SH3GL3: variants seen among roughly 807,000 people sequenced by gnomAD.
The protein encoded by SH3GL3 is SH3 domain containing GRB2 like 3, endophilin A3.
A neutral mutation model predicts 47.7 loss-of-function variants in SH3GL3; 33 were observed. The observed-to-expected ratio is 0.69, with a 90% CI of 0.52 to 0.92. The LOEUF is 0.92. Among genes scored for constraint, SH3GL3 ranks in the 40% least tolerant of loss-of-function variants. The pLI is 0.00. For synonymous variants in SH3GL3, 155 were observed against 148.8 expected, an observed-to-expected ratio of 1.04 and a Z score of -0.30; for missense variants, 363 against 417.8, an observed-to-expected ratio of 0.87 and a Z score of 1.14.
intron 3 of SH3GL3, among the ~76,000 whole-genome samples, chr15:83,567,232 C>G (rs973449711): frequency 1.3e-5 from 2 of 152,226 alleles, no homozygotes; most frequent in East Asian, 3.9e-4. Context: ...CACAGTATTC[C>G]CTCTTCTACA....
chr15:83,559,347 GA>G (rs2045133292), intron 2 of SH3GL3, 26 bp downstream of exon 2: 1 of 1,225,592 alleles, frequency 8.2e-7, no homozygotes, highest in Admixed American at 1.7e-5. Flanking sequence ...TATGTAAATT[GA>G]TTAGAAACTG....
At chr15:83,621,003 T>C (rs146772936), downstream of SH3GL3, among the ~76,000 whole-genome samples, 576 of 152,338 alleles carry the variant, frequency 3.8e-3, 2 homozygotes, top group African/African-American at 0.013. Flanking sequence ...TTAAACCTCA[T>C]GAACCCACCC....
chr15:83,557,568 A>G (rs1271522284), intron 1 of SH3GL3, among the ~76,000 whole-genome samples: 2 of 152,186 alleles, frequency 1.3e-5, no homozygotes, highest in Non-Finnish European at 2.9e-5. Context: ...GGCTGATCTC[A>G]GCTGGGGTCT....
chr15:83,516,978 A>G (rs1183202043), intron 1 of SH3GL3, among the ~76,000 whole-genome samples: 5 of 152,020 alleles, frequency 3.3e-5, no homozygotes. Flanking sequence ...ATAGAATACC[A>G]TTGTATAACT....
intron 1 of SH3GL3, among the ~76,000 whole-genome samples, chr15:83,482,256 G>A (rs2041391188): frequency 1.3e-5 from 2 of 151,986 alleles, no homozygotes; most frequent in Admixed American, 1.3e-4. Flanking sequence ...ATCTTGTAAT[G>A]GTTTATTTAG....
chr15:83,540,340 C>T (rs577703214), intron 1 of SH3GL3, among the ~76,000 whole-genome samples: 5 of 152,050 alleles, frequency 3.3e-5, no homozygotes, highest in East Asian at 1.9e-4. Context: ...TGATTGTTTT[C>T]GTCTGCTTGT....
chr15:83,578,512 A>G (rs1181977718), intron 6 of SH3GL3, among the ~76,000 whole-genome samples: 1 of 152,200 alleles, frequency 6.6e-6, no homozygotes, highest in Non-Finnish European at 1.5e-5. Flanking sequence ...TACCATGGTG[A>G]TGTATGGAGG....
chr15:83,596,616 G>A (rs910826047), intron 8 of SH3GL3, among the ~76,000 whole-genome samples: 5 of 152,030 alleles, frequency 3.3e-5, no homozygotes, highest in Admixed American at 6.6e-5. Flanking sequence ...TTTAAAACAC[G>A]GAAAGTGTGT....
At chr15:83,580,698 C>G in intron 6 of SH3GL3, among the ~76,000 whole-genome samples, 1 of 152,238 alleles carries the variant, frequency 6.6e-6, no homozygotes, top group South Asian at 2.1e-4. Flanking sequence ...CTTTCCCCTC[C>G]TTGCACCTTC....
intron 1 of SH3GL3, among the ~76,000 whole-genome samples, chr15:83,497,079 G>A (rs1213401576): frequency 5.3e-5 from 8 of 152,128 alleles, no homozygotes; most frequent in Non-Finnish European, 1.2e-4. Context: ...TACAGGGTCT[G>A]CCAGGAACTG....
chr15:83,619,354 T>C (rs56173151), downstream of SH3GL3, among the ~76,000 whole-genome samples: 9,082 of 152,058 alleles, frequency 0.06, 887 homozygotes, highest in African/African-American at 0.21. Context: ...TCCCAGTGTA[T>C]AGAAAAGTTG....
chr15:83,598,281 G>A lies in SH3GL3; in HGVS notation c.838+9510G>A, dbSNP rs574077479. ...TGGCTGCTCTTTTCTCAGAAAGCCA[G>A]CCAGCTTTCAGGATCCACTTACACT... On this transcript the variant is annotated intron_variant, in intron 8 of 8. Coordinates refer to ENST00000427482, the MANE Select transcript of SH3GL3 (RefSeq NM_003027.5). 3.9e-5 allele frequency among the ~76,000 whole-genome samples: 6 copies of A among 152,240 alleles called. No homozygotes were observed. In the Middle Eastern group the frequency reaches 0.014, roughly 345 times the overall value.
At chr15:83,450,364 C>T (rs2039679763) in intron 1 of SH3GL3, among the ~76,000 whole-genome samples, 1 of 152,158 alleles carries the variant, frequency 6.6e-6, no homozygotes, top group Non-Finnish European at 1.5e-5. Flanking sequence ...GTAAGTTAAG[C>T]ATTTCAGAGT....
chr15:83,539,173 C>T (rs1472786550), intron 1 of SH3GL3, among the ~76,000 whole-genome samples: 1 of 152,178 alleles, frequency 6.6e-6, no homozygotes, highest in African/African-American at 2.4e-5. Context: ...TTAGTCCTTA[C>T]AGGCTGCCAC....
intron 8 of SH3GL3, among the ~76,000 whole-genome samples, chr15:83,589,924 C>T (rs987649119): frequency 7.2e-5 from 11 of 152,120 alleles, no homozygotes; most frequent in Non-Finnish European, 1.2e-4. Flanking sequence ...AAAGCATGAA[C>T]ACCTGCTTCC....
chr15:83,600,075 G>A (rs2060340830), intron 8 of SH3GL3, among the ~76,000 whole-genome samples: 1 of 152,012 alleles, frequency 6.6e-6, no homozygotes, highest in African/African-American at 2.4e-5. Flanking sequence ...TGAGTTCCTT[G>A]TAGATTCTGG....
At chr15:83,559,745 G>T (rs572637837) in intron 2 of SH3GL3, among the ~76,000 whole-genome samples, 8 of 152,322 alleles carry the variant, frequency 5.3e-5, no homozygotes, top group African/African-American at 1.7e-4. Context: ...TGCAGGAGCT[G>T]CATAGCAAGT....
intron 6 of SH3GL3, 62 bp from the exon 7 acceptor site, chr15:83,586,921 T>A (rs1237639213): frequency 7.3e-6 from 6 of 818,994 alleles, no homozygotes. Context: ...GCTGGTCTCC[T>A]CTCTCTCTGG....
At chr15:83,559,228 C>T (rs760962288) in intron 1 of SH3GL3, 25 bp from the exon 2 acceptor site, 1 of 1,262,516 alleles carries the variant, frequency 7.9e-7, no homozygotes, top group African/African-American at 1.5e-5. Context: ...TTGTACAATG[C>T]AATTATTTAT....
Sources: allele counts gnomAD v4.1 joint callset (sites outside exome capture counted in the v4.1 genomes callset), GRCh38; gene constraint gnomAD v4.1.1; transcripts MANE v1.5; gene names NCBI Gene and HGNC (gene_info 2026-07-23, HGNC 2026-07-21).